COX7B2: variants seen among roughly 807,000 people sequenced by gnomAD.
The protein encoded by COX7B2 is cytochrome c oxidase subunit 7B2, also known as cytochrome c oxidase subunit 7B2, mitochondrial.
For synonymous variants in COX7B2, 37 were observed against 32.1 expected (o/e 1.15, Z -0.51); for missense variants, 109 against 95.9 (o/e 1.14, Z -0.57).
At chr4:46,832,311 A>C (rs1406896329) in intron 2 of COX7B2, among the ~76,000 whole-genome samples, 1 of 152,118 alleles carries the variant, frequency 6.6e-6, no homozygotes, top group African/African-American at 2.4e-5. Context: ...GAACATCAGA[A>C]GGAACAAACT....
At chr4:46,777,759 A>G (rs546407676) in intron 2 of COX7B2, among the ~76,000 whole-genome samples, 2 of 152,312 alleles carry the variant, frequency 1.3e-5, no homozygotes, top group South Asian at 2.1e-4. Flanking sequence ...ATAGCTGGAC[A>G]TTGCAGCTGG....
intron 1 of COX7B2, among the ~76,000 whole-genome samples, chr4:46,903,192 C>T (rs1278152476): frequency 1.3e-5 from 2 of 152,094 alleles, no homozygotes; most frequent in Non-Finnish European, 2.9e-5. Flanking sequence ...AATTAAAGTC[C>T]ATTATCAAAT....
chr4:46,865,749 G>C (rs1717626126), intron 1 of COX7B2, among the ~76,000 whole-genome samples: 1 of 152,124 alleles, frequency 6.6e-6, no homozygotes, highest in South Asian at 2.1e-4. Context: ...TTTCAAAAAA[G>C]TATAGCATCA....
At chr4:46,759,866 T>C (rs1166734750) in intron 2 of COX7B2, among the ~76,000 whole-genome samples, 1 of 149,930 alleles carries the variant, frequency 6.7e-6, no homozygotes, top group South Asian at 2.1e-4. Flanking sequence ...CTTATATAAG[T>C]TATATAAGTC....
intron 1 of COX7B2, among the ~76,000 whole-genome samples, chr4:46,856,610 C>A (rs1717021852): frequency 6.6e-6 from 1 of 152,144 alleles, no homozygotes; most frequent in Non-Finnish European, 1.5e-5. Flanking sequence ...GGACAGGGGA[C>A]ACTGCCCCTG....
rs542761724 is a variant in COX7B2, at chr4:46,744,766, G to A, written c.-49-9525C>T. 2.2e-5 allele frequency among the ~76,000 whole-genome samples: 3 copies of A among 135,186 alleles called. No individual in the cohort carries two copies. In the South Asian group the frequency reaches 7.0e-4, roughly 32 times the overall value. The allele number at this position is 135,186 out of a possible 152,430, so 88.7% of individuals were successfully genotyped here. A position where few individuals can be genotyped will look rare whatever the true frequency, so the allele number is the denominator to read the frequency against. On this transcript the variant is annotated intron_variant, in intron 2 of 2. Transcript: ENST00000355591. Reference sequence around the variant, plus strand: ...TTTTTTTTTTTTTTTTTTGGGAGACGGAGTCTCTCTCTGTCACCTAGGCTG... The same window carrying A: ...TTTTTTTTTTTTTTTTTTGGGAGACAGAGTCTCTCTCTGTCACCTAGGCTG...
intron 2 of COX7B2, among the ~76,000 whole-genome samples, chr4:46,807,386 A>T (rs1324967874): frequency 6.6e-6 from 1 of 151,930 alleles, no homozygotes; most frequent in East Asian, 1.9e-4. Context: ...GAGTGATATC[A>T]GTTTTATCTA....
intron 2 of COX7B2, among the ~76,000 whole-genome samples, chr4:46,735,873 A>G (rs1714332792): frequency 6.6e-6 from 1 of 152,096 alleles, no homozygotes; most frequent in Non-Finnish European, 1.5e-5. Flanking sequence ...TATTTTGGGG[A>G]AGCAGTTTTG....
chr4:46,881,771 A>G (rs1362769746), intron 1 of COX7B2, among the ~76,000 whole-genome samples: 2 of 152,148 alleles, frequency 1.3e-5, no homozygotes, highest in East Asian at 1.9e-4. Context: ...AGCAGTTTCC[A>G]GCTTGAGTTT....
At chr4:46,790,693 G>A (rs528017113) in intron 2 of COX7B2, among the ~76,000 whole-genome samples, 94 of 152,116 alleles carry the variant, frequency 6.2e-4, no homozygotes, top group African/African-American at 2.1e-3. Flanking sequence ...GTATTCCTGC[G>A]GCAAATCTGG....
intron 2 of COX7B2, among the ~76,000 whole-genome samples, chr4:46,816,138 A>G (rs760133738): frequency 6.6e-6 from 1 of 152,204 alleles, no homozygotes; most frequent in Non-Finnish European, 1.5e-5. Context: ...TACAACTATT[A>G]CAGCCTGTAA....
At chr4:46,868,112 G>T (rs1264211079) in intron 1 of COX7B2, among the ~76,000 whole-genome samples, 1 of 152,086 alleles carries the variant, frequency 6.6e-6, no homozygotes. Flanking sequence ...TTGGGAGGGT[G>T]TATATATCCT....
At chr4:46,755,742 A>G (rs1268576682) in intron 2 of COX7B2, among the ~76,000 whole-genome samples, 1 of 152,132 alleles carries the variant, frequency 6.6e-6, no homozygotes. Flanking sequence ...ATACCTAGGA[A>G]TGTATTTAAC....
chr4:46,790,536 T>C (rs957290798), intron 2 of COX7B2, among the ~76,000 whole-genome samples: 12 of 152,310 alleles, frequency 7.9e-5, no homozygotes, highest in Non-Finnish European at 1.6e-4. Flanking sequence ...ACTGCCACTA[T>C]CCCAATTTAG....
intron 1 of COX7B2, among the ~76,000 whole-genome samples, chr4:46,891,906 C>G (rs1719451360): frequency 6.6e-6 from 1 of 152,192 alleles, no homozygotes; most frequent in Admixed American, 6.5e-5. Flanking sequence ...AAGTAGGTTT[C>G]TTTTGGTCCA....
intron 2 of COX7B2, among the ~76,000 whole-genome samples, chr4:46,782,919 C>T (rs904777895): frequency 2.0e-5 from 3 of 151,938 alleles, no homozygotes; most frequent in African/African-American, 7.3e-5. Context: ...GTAACACTCA[C>T]CGTGAGGGTC....
chr4:46,851,405 A>G (rs569602422), intron 1 of COX7B2, among the ~76,000 whole-genome samples: 3 of 152,284 alleles, frequency 2.0e-5, no homozygotes, highest in African/African-American at 7.2e-5. Context: ...AGCATTTTAA[A>G]CATTTTATTT....
chr4:46,756,020 A>G (rs910644686), intron 2 of COX7B2, among the ~76,000 whole-genome samples: 3 of 152,244 alleles, frequency 2.0e-5, no homozygotes, highest in Middle Eastern at 3.4e-3. Context: ...CCTAACCAAA[A>G]AGAACAAAGC....
Position 46,735,059 on chromosome 4 carries a change from C to T in COX7B2, c.134G>A (p.Ser45Asn). 1 of 1,614,088 alleles carries T rather than the reference C, an allele frequency of 6.2e-7. No homozygotes were observed. The highest frequency in any genetic ancestry group is 8.5e-7 in the Non-Finnish European group (1 of 1,179,972). The change falls in exon 3 of 3, where the codon AGT becomes AAT. Residue 45 changes from serine to asparagine, a missense_variant. Ser to Asn is a conservative substitution (Grantham distance 46). Transcript: ENST00000355591. ...HDKYGNAVLA[S>N]GTAFCVATWV... is the part of the protein sequence containing the mutation. ...TGTAGCAACACAGAAAGCAGTTCCA[C>T]TGGCTAGCACAGCATTACCATATTT...
Sources: allele counts gnomAD v4.1 joint callset (sites outside exome capture counted in the v4.1 genomes callset), GRCh38; gene constraint gnomAD v4.1.1; transcripts MANE v1.5; gene names NCBI Gene and HGNC (gene_info 2026-07-23, HGNC 2026-07-21).